Variants in ASAP2 observed in about 807,000 individuals in gnomAD.
The protein encoded by ASAP2 is ArfGAP with SH3 domain, ankyrin repeat and PH domain 2, also known as arf-GAP with SH3 domain, ANK repeat and PH domain-containing protein 2.
In ASAP2, 45 loss-of-function variants were observed where a neutral mutation model predicts 131.4. The observed-to-expected ratio is 0.34, with a 90% CI of 0.27 to 0.44. ASAP2 has a LOEUF of 0.44. Ranked by LOEUF, ASAP2 falls within the 20% of genes least tolerant of loss-of-function variation. The probability of loss-of-function intolerance (pLI) is 1.00; values close to 1 mark genes in which losing one functional copy is unlikely to be tolerated. For missense variants in ASAP2, 1,011 were observed against 1,297.0 expected (o/e 0.78, Z 3.39); for synonymous variants, 510 against 503.0 (o/e 1.01, Z -0.19).
intron 24 of ASAP2, among the ~76,000 whole-genome samples, chr2:9,396,469 GTC>G (rs1196514188): frequency 5.9e-5 from 9 of 151,970 alleles, no homozygotes; most frequent in Admixed American, 5.9e-4. Context: ...AGAGGTGGGG[GTC>G]TCCTTATGTT....
intron 2 of ASAP2, among the ~76,000 whole-genome samples, chr2:9,295,706 C>T (rs180677278): frequency 2.0e-5 from 3 of 152,264 alleles, no homozygotes; most frequent in Admixed American, 6.5e-5. Flanking sequence ...TGAATCTGGT[C>T]TCAGAAATTC....
intron 2 of ASAP2, among the ~76,000 whole-genome samples, chr2:9,287,855 G>A (rs1475511887): frequency 1.3e-5 from 2 of 152,356 alleles, no homozygotes; most frequent in Admixed American, 1.3e-4. Context: ...CACTGCATTA[G>A]TCATGGAAGG....
At position 9,400,049 on chromosome 2, in the gene ASAP2, A is replaced by T; in HGVS notation, c.2711A>T (p.Asn904Ile). ...PGADKSTPLTNKGQPRGPVDL... is the reference protein window; with the variant it reads ...PGADKSTPLTIKGQPRGPVDL... ...GCTGACAAGTCCACCCCACTGACCA[A>T]CAAAGGCCAACCGAGAGGACCTGGT... Residue 904 changes from asparagine (N) to isoleucine (I), a missense_variant, in exon 25 of 28, where the codon AAC becomes ATC. Asn to Ile is a moderately radical substitution (Grantham distance 149). Around this residue, in one of 2 missense-constraint regions of ASAP2, gnomAD observed 652 missense variants for 698.9 expected, o/e 0.93. Transcript: ENST00000281419. 6.2e-7 allele frequency: 1 copy of T among 1,613,434 alleles called. No homozygotes were observed. Among genetic ancestry groups the T allele is most frequent in the Non-Finnish European group, 8.5e-7 (1 of 1,179,776 alleles).
chr2:9,293,424 G>C (rs1053162918), intron 2 of ASAP2, among the ~76,000 whole-genome samples: 1 of 152,192 alleles, frequency 6.6e-6, no homozygotes, highest in Non-Finnish European at 1.5e-5. Flanking sequence ...TTGAACAAGG[G>C]GGAGGTGAGA....
intron 16 of ASAP2, among the ~76,000 whole-genome samples, chr2:9,369,726 A>G (rs2148696722): frequency 6.6e-6 from 1 of 152,390 alleles, no homozygotes; most frequent in East Asian, 1.9e-4. Context: ...TCTGTGGAAT[A>G]AGCCTGAAGT....
intron 3 of ASAP2, among the ~76,000 whole-genome samples, chr2:9,308,669 C>T (rs539137399): frequency 6.6e-6 from 1 of 152,300 alleles, no homozygotes; most frequent in African/African-American, 2.4e-5. Context: ...GCAGGAGTTT[C>T]AGTCCAGCCG....
At chr2:9,252,508 A>T (rs1664777718) in intron 1 of ASAP2, among the ~76,000 whole-genome samples, 1 of 152,090 alleles carries the variant, frequency 6.6e-6, no homozygotes, top group South Asian at 2.1e-4. Context: ...CAGGAGGTGG[A>T]GGTTGCAGTG....
intron 12 of ASAP2, among the ~76,000 whole-genome samples, chr2:9,355,630 T>G (rs890463280): frequency 6.6e-6 from 1 of 152,258 alleles, no homozygotes; most frequent in Non-Finnish European, 1.5e-5. Flanking sequence ...TTCTTAGAAT[T>G]TCTCATACTA....
At chr2:9,236,955 A>G (rs1572219762) in intron 1 of ASAP2, among the ~76,000 whole-genome samples, 1 of 152,164 alleles carries the variant, frequency 6.6e-6, no homozygotes, top group Non-Finnish European at 1.5e-5. Flanking sequence ...GGTACCAGGC[A>G]GGGCTGGGGT....
intron 15 of ASAP2, among the ~76,000 whole-genome samples, chr2:9,359,560 T>C (rs537650657): frequency 2.3e-3 from 356 of 152,358 alleles, no homozygotes; most frequent in Non-Finnish European, 4.1e-3. Context: ...AAAGCAGTTC[T>C]TGAATTCTCT....
At chr2:9,275,719 G>T (rs1666720261) in intron 1 of ASAP2, among the ~76,000 whole-genome samples, 1 of 152,206 alleles carries the variant, frequency 6.6e-6, no homozygotes, top group Non-Finnish European at 1.5e-5. Context: ...CTGCATTTTG[G>T]GCTCATCATC....
At chr2:9,238,487 T>G (rs1042352163) in intron 1 of ASAP2, among the ~76,000 whole-genome samples, 2 of 152,242 alleles carry the variant, frequency 1.3e-5, no homozygotes, top group African/African-American at 4.8e-5. Flanking sequence ...TTCATCCACC[T>G]TCCCATGGGG....
intron 1 of ASAP2, among the ~76,000 whole-genome samples, chr2:9,213,579 G>A (rs1374494597): frequency 6.6e-6 from 1 of 152,180 alleles, no homozygotes; most frequent in Non-Finnish European, 1.5e-5. Context: ...GGCTATTGCA[G>A]TCATCTAGGC....
At chr2:9,293,384 CATTAATGAGA>C (rs1667940454) in intron 2 of ASAP2, among the ~76,000 whole-genome samples, 1 of 152,144 alleles carries the variant, frequency 6.6e-6, no homozygotes, top group African/African-American at 2.4e-5. Context: ...GGATCTGGAT[CATTAATGAGA>C]ATTAGAGTTT....
chr2:9,329,365 C>T (rs535283370), intron 7 of ASAP2, among the ~76,000 whole-genome samples: 1 of 152,228 alleles, frequency 6.6e-6, no homozygotes, highest in African/African-American at 2.4e-5. Context: ...CTGCCAGGCG[C>T]TATTAGGGGT....
intron 7 of ASAP2, among the ~76,000 whole-genome samples, chr2:9,333,430 G>A (rs749567492): frequency 6.6e-6 from 1 of 152,184 alleles, no homozygotes; most frequent in Non-Finnish European, 1.5e-5. Context: ...GTATAAGAAG[G>A]CCTCTTATAG....
At chr2:9,302,534 G>T (rs1424101515) in intron 3 of ASAP2, among the ~76,000 whole-genome samples, 1 of 151,874 alleles carries the variant, frequency 6.6e-6, no homozygotes, top group Admixed American at 6.5e-5. Context: ...GAGTGCAGTG[G>T]CACGATCTTG....
At chr2:9,309,705 A>G (rs971220396) in intron 3 of ASAP2, among the ~76,000 whole-genome samples, 1 of 152,226 alleles carries the variant, frequency 6.6e-6, no homozygotes, top group Non-Finnish European at 1.5e-5. Context: ...TTGGTGCCCA[A>G]TAGAACTGTT....
At chr2:9,286,447 A>AAAT (rs58605449) in intron 2 of ASAP2, among the ~76,000 whole-genome samples, 121 of 148,486 alleles carry the variant, frequency 8.1e-4, no homozygotes, top group African/African-American at 2.8e-3. Flanking sequence ...GAAAAAAAAA[A>AAAT]ATATATATAT....
Sources: gnomAD v4.1 joint callset for allele counts (sites outside exome capture counted in the v4.1 genomes callset) on GRCh38, gnomAD v4.1.1 for gene constraint, gnomAD v4.1.1 regional missense constraint, MANE v1.5 for transcripts, NCBI Gene and HGNC (gene_info 2026-07-23, HGNC 2026-07-21) for gene names.